COL4A3: variants seen among roughly 807,000 people sequenced by gnomAD.
COL4A3 encodes collagen alpha-3(IV) chain.
In COL4A3, 135 loss-of-function variants were observed where a neutral mutation model predicts 217.4. The observed-to-expected ratio is 0.62, with a 90% CI of 0.54 to 0.72. COL4A3 has a LOEUF of 0.72. Ranked by LOEUF, COL4A3 falls within the 30% of genes least tolerant of loss-of-function variation. The pLI is 0.00. For missense variants in COL4A3, 1,868 were observed against 2,119.9 expected, an observed-to-expected ratio of 0.88 and a Z score of 2.33; for synonymous variants, 690 against 736.3, an observed-to-expected ratio of 0.94 and a Z score of 1.02.
At chr2:227,207,272 T>C (rs1483175431) in intron 1 of COL4A3, among the ~76,000 whole-genome samples, 1 of 152,124 alleles carries the variant, frequency 6.6e-6, no homozygotes, top group African/African-American at 2.4e-5. Context: ...CCCACAGAAA[T>C]GGAATACCTA....
chr2:227,214,424 G>T (rs2067449217), intron 1 of COL4A3, among the ~76,000 whole-genome samples: 1 of 152,120 alleles, frequency 6.6e-6, no homozygotes. Flanking sequence ...TTTGTCATTT[G>T]TATATTCTCT....
chr2:227,240,056 A>C, intron 2 of COL4A3, 87 bp from the exon 3 acceptor site: 1 of 1,149,010 alleles, frequency 8.7e-7, no homozygotes, highest in Non-Finnish European at 1.3e-6. Flanking sequence ...ATGAAGTCAT[A>C]AACAAGAGAA....
rs907732802 is a variant in COL4A3 at position 227,290,963 on chromosome 2, C to T, written c.3210+77C>T. The T allele has an allele frequency of 3.9e-5, 59 of 1,500,320 alleles. No homozygotes were observed. In the South Asian group the frequency reaches 4.5e-4, roughly 12 times the overall value. The allele number at this position is 1,500,320 out of a possible 1,614,324, so 92.9% of individuals were successfully genotyped here. Reference sequence around the variant, plus strand: ...AAAAATATCAACAAGTACCCAGATTCGGTGTGGGCAGAGAAAATTGAAACT... The same window carrying T: ...AAAAATATCAACAAGTACCCAGATTTGGTGTGGGCAGAGAAAATTGAAACT... On this transcript the variant is annotated intron_variant, in intron 37 of 51. Coordinates refer to ENST00000396578, the MANE Select transcript of COL4A3 (RefSeq NM_000091.5).
Position 227,293,278 on chromosome 2 carries a change from G to T in COL4A3, c.3298G>T (p.Glu1100Ter). ...TGGACATTTGGGGCCTGCTGGACCT[G>T]AGGGAGCCCCTGGAAGTCCTGGAAG... ...PPGHLGPAGP[E>*]GAPGSPGSPG... Residue 1100 changes from glutamate (E) to a stop codon, truncating the protein, a stop_gained, in exon 38 of 52, where the codon GAG (glutamate) becomes TAG (stop). Coordinates refer to ENST00000396578, the MANE Select transcript of COL4A3 (RefSeq NM_000091.5). LOFTEE classifies it high-confidence loss of function. 6.2e-7 allele frequency: 1 copy of T among 1,613,826 alleles called. No individual in the cohort carries two copies. The highest frequency in any genetic ancestry group is 1.1e-5 in the South Asian group (1 of 91,054).
rs1340505611 is a variant in COL4A3, at chr2:227,313,986, A to G, written c.*2116A>G. The G allele has an allele frequency of 6.6e-6, 1 of 152,524 alleles. No individual in the cohort carries two copies. The highest frequency in any genetic ancestry group is 2.1e-4 in the South Asian group (1 of 4,836). 9.4% of individuals were successfully genotyped at this position (152,524 alleles called of 1,614,324 possible). A position where few individuals can be genotyped will look rare whatever the true frequency, so the allele number is the denominator to read the frequency against. On this transcript the variant is annotated 3_prime_UTR_variant, in exon 52 of 52. Coordinates refer to ENST00000396578, the MANE Select transcript of COL4A3 (RefSeq NM_000091.5). ...ATCTATGTTTTACCAAGCCCACCAC[A>G]TGATTCTGATGTACTCTAAATACTG... is the stretch of plus-strand genomic sequence containing the variant.
At chr2:227,185,174 A>T (rs2065986792) in intron 1 of COL4A3, among the ~76,000 whole-genome samples, 1 of 152,102 alleles carries the variant, frequency 6.6e-6, no homozygotes, top group Non-Finnish European at 1.5e-5. Flanking sequence ...TGCTGGGATT[A>T]CAAGCGTGAG....
At position 227,244,326 on chromosome 2, in the gene COL4A3, C is replaced by T. The variant is rs765487317; in HGVS notation, c.241C>T (p.Pro81Ser). ...TTTTTTCACTTGAATCTAGGGCTTT[C>T]CAGGACTTCCAGGACTCACGGGTTC... ...LPGPQGPKGF[P>S]GLPGLTGSKG... is the part of the protein sequence containing the mutation. Residue 81 changes from proline (P) to serine (S), a missense_variant, in exon 4 of 52, where the codon CCA (proline) becomes TCA (serine). Around this residue, in one of 2 missense-constraint regions of COL4A3, gnomAD observed 365 missense variants for 333.8 expected, o/e 1.09. Coordinates refer to ENST00000396578, the MANE Select transcript of COL4A3 (RefSeq NM_000091.5). 1.9e-6 allele frequency: 3 copies of T among 1,613,722 alleles called. No homozygotes were observed. Among genetic ancestry groups the T allele is most frequent in the Non-Finnish European group, 2.5e-6 (3 of 1,179,868 alleles).
Position 227,270,024 on chromosome 2 carries a change from T to G in COL4A3, c.1575+44T>G, listed in dbSNP as rs768367180. The G allele has an allele frequency of 2.6e-6, 4 of 1,526,252 alleles. No individual in the cohort carries two copies. In the Admixed American group the frequency reaches 6.8e-5, roughly 26 times the overall value. The allele number at this position is 1,526,252 out of a possible 1,614,324, so 94.5% of individuals were successfully genotyped here. ...AAATCTTTAGCTTCAATTTGACAAA[T>G]TGCACACTCTAGAAATATGGTTGCA... On this transcript the variant is annotated intron_variant, in intron 24 of 51. Coordinates refer to ENST00000396578, the MANE Select transcript of COL4A3 (RefSeq NM_000091.5).
At chr2:227,297,040 C>T (rs1433182009) in intron 41 of COL4A3, among the ~76,000 whole-genome samples, 2 of 152,152 alleles carry the variant, frequency 1.3e-5, no homozygotes, top group Non-Finnish European at 2.9e-5. Context: ...TTAGTATTAA[C>T]CTGTGACCTT....
chr2:227,287,340 A>G (rs536237055), intron 34 of COL4A3, among the ~76,000 whole-genome samples: 8 of 152,128 alleles, frequency 5.3e-5, no homozygotes, highest in Non-Finnish European at 1.2e-4. Flanking sequence ...CTGAGGTAGG[A>G]GAATCACTTG....
intron 1 of COL4A3, among the ~76,000 whole-genome samples, chr2:227,222,122 CTAATAATAATAATAA>C (rs367763401): frequency 2.9e-5 from 3 of 105,254 alleles, no homozygotes; most frequent in Non-Finnish European, 5.9e-5. Flanking sequence ...GACACTGTCT[CTAATAATAATAATAA>C]TAATAATAAT....
chr2:227,301,531 T>C (rs2073286697), intron 43 of COL4A3, among the ~76,000 whole-genome samples: 1 of 152,258 alleles, frequency 6.6e-6, no homozygotes. Context: ...GTGTCTCTCA[T>C]GTTCTCCATG....
chr2:227,257,669 A>G (rs2070273176), intron 18 of COL4A3, 25 bp downstream of exon 18: 2 of 1,606,526 alleles, frequency 1.2e-6, no homozygotes, highest in Non-Finnish European at 1.7e-6. Context: ...AGACAATATC[A>G]ATGCTATGTT....
Position 227,164,937 on chromosome 2 carries a change from T to C in COL4A3, c.87+124T>C, listed in dbSNP as rs1319135856. The C allele has an allele frequency of 5.8e-6, 7 of 1,201,612 alleles. No individual in the cohort carries two copies. Among genetic ancestry groups the C allele is most frequent in the Non-Finnish European group, 7.7e-6 (7 of 908,838 alleles). The allele number at this position is 1,201,612 out of a possible 1,614,324, so 74.4% of individuals were successfully genotyped here. On this transcript the variant is annotated intron_variant, in intron 1 of 51. Coordinates refer to ENST00000396578, the MANE Select transcript of COL4A3 (RefSeq NM_000091.5). The surrounding 1 kb of genome is among the most constrained non-coding windows in gnomAD (Gnocchi z 4.8). ...GCGGCTGCCGGGCTAGTGGCGAGGC[T>C]GAGGGCTTCACGCAGGTCCCGGGAC...
At chr2:227,255,631 T>A (rs1469441268) in intron 15 of COL4A3, among the ~76,000 whole-genome samples, 2 of 152,204 alleles carry the variant, frequency 1.3e-5, no homozygotes, top group Non-Finnish European at 1.5e-5. Flanking sequence ...ATTACCAATA[T>A]TTCAAATAAA....
In COL4A3 at chr2:227,269,782, G is replaced by GT. The variant is rs2071129085; in HGVS notation, c.1505-124dup. 4.0e-6 allele frequency: 3 copies of GT among 753,256 alleles called. No homozygotes were observed. The Admixed American group carries it at 6.2e-5, about 16-fold the overall frequency. The allele number at this position is 753,256 out of a possible 1,614,324, so 46.7% of individuals were successfully genotyped here. A position where few individuals can be genotyped will look rare whatever the true frequency, so the allele number is the denominator to read the frequency against. On this transcript the variant is annotated intron_variant, in intron 23 of 51. Coordinates refer to ENST00000396578, the MANE Select transcript of COL4A3 (RefSeq NM_000091.5). ...ACTCCCATTCTCTTATTGCATTTAT[G>GT]TTTTATGATAGAAGTTGTCTTTCTT...
intron 1 of COL4A3, among the ~76,000 whole-genome samples, chr2:227,178,106 G>T (rs72971855): frequency 0.14 from 21,045 of 152,230 alleles, 1,558 homozygotes; most frequent in Admixed American, 0.18. Context: ...CGGGCATGCT[G>T]ACTCACACCT....
At chr2:227,201,985 C>G (rs2066703995) in intron 1 of COL4A3, among the ~76,000 whole-genome samples, 1 of 152,100 alleles carries the variant, frequency 6.6e-6, no homozygotes, top group Non-Finnish European at 1.5e-5. Flanking sequence ...AACCATTAAC[C>G]TGAATGCTGG....
intron 43 of COL4A3, among the ~76,000 whole-genome samples, chr2:227,300,902 G>A (rs886448575): frequency 1.1e-4 from 16 of 152,120 alleles, no homozygotes; most frequent in Admixed American, 5.2e-4. Flanking sequence ...GGTATGGGTC[G>A]GGTGGAGGAA....
Sources: allele counts gnomAD v4.1 joint callset (sites outside exome capture counted in the v4.1 genomes callset), GRCh38; gene constraint gnomAD v4.1.1; regional missense constraint gnomAD v4.1.1; non-coding constraint Gnocchi (gnomAD v3.1); transcripts MANE v1.5; gene names NCBI Gene and HGNC (gene_info 2026-07-23, HGNC 2026-07-21).